ATP2C1: variants seen among roughly 807,000 people sequenced by gnomAD.
ATP2C1 encodes calcium-transporting ATPase type 2C member 1.
Under a neutral mutation model 120.5 loss-of-function variants are expected in ATP2C1, and 31 were observed. The observed-to-expected ratio is 0.26, with a 90% CI of 0.19 to 0.35. The LOEUF is 0.35. Ranked by LOEUF, ATP2C1 falls within the 10% of genes least tolerant of loss-of-function variation. The pLI, the probability that ATP2C1 is intolerant of heterozygous loss-of-function variation, is 1.00. For synonymous variants in ATP2C1, 351 were observed against 358.7 expected (o/e 0.98, Z 0.24); for missense variants, 731 against 1,107.5 (o/e 0.66, Z 4.83).
Position 131,001,382 on chromosome 3 carries a change from G to A in ATP2C1, c.*32G>A. ...TTGCATTATTTTATTTGCAAACTAG[G>A]AATTGCAGTCTGAGGATCATTTAGA... On this transcript the variant is annotated 3_prime_UTR_variant, in exon 28 of 28. Coordinates refer to ENST00000510168, the MANE Select transcript of ATP2C1 (RefSeq NM_001378687.1). The A allele has an allele frequency of 6.2e-7, 1 of 1,608,368 alleles. No homozygotes were observed. The highest frequency in any genetic ancestry group is 1.1e-5 in the South Asian group (1 of 90,632).
chr3:130,918,252 C>T, intron 2 of ATP2C1: 3 of 1,517,944 alleles, frequency 2.0e-6, no homozygotes, highest in South Asian at 1.1e-5. Context: ...TCTCCTTGGC[C>T]ATAGCCAAAT....
At position 130,993,837 on chromosome 3, in the gene ATP2C1, G is replaced by A. The variant is rs2062470483; in HGVS notation, c.1891-95G>A. 6 of 1,248,934 alleles carry A rather than the reference G, an allele frequency of 4.8e-6. No individual in the cohort carries two copies. In the Admixed American group the frequency reaches 1.1e-4, roughly 23 times the overall value. 77.4% of individuals were successfully genotyped at this position (1,248,934 alleles called of 1,614,324 possible). A position where few individuals can be genotyped will look rare whatever the true frequency, so the allele number is the denominator to read the frequency against. On this transcript the variant is annotated intron_variant, in intron 21 of 27. Transcript: ENST00000510168. ...CTATATTATTTCTAATCTTAATTATGTGAAAAAAATAGGGAGGATTTGTTT... is the reference window on the plus strand; with the variant it reads ...CTATATTATTTCTAATCTTAATTATATGAAAAAAATAGGGAGGATTTGTTT...
In ATP2C1 at chr3:130,894,265, GGC is replaced by G; in HGVS notation, c.-247_-246del. On this transcript the variant is annotated 5_prime_UTR_variant, in exon 1 of 28. Transcript: ENST00000510168. The surrounding 1 kb of genome is among the most constrained non-coding windows in gnomAD (Gnocchi z 4.5). ...CCGCGAGCAGCTCCTCTTCTCCCGA[GGC>G]GCGCGGGGCGCCCCCGCGAGCCCCG... is the stretch of plus-strand genomic sequence containing the variant. The G allele has an allele frequency of 1.0e-6, 1 of 985,944 alleles. No individual in the cohort carries two copies. Among genetic ancestry groups the G allele is most frequent in the African/African-American group, 1.7e-5 (1 of 57,234 alleles). 61.1% of individuals were successfully genotyped at this position (985,944 alleles called of 1,614,324 possible).
At chr3:130,980,779 G>A (rs1296818549) in intron 20 of ATP2C1, 100 bp downstream of exon 20, 1 of 898,004 alleles carries the variant, frequency 1.1e-6, no homozygotes, top group Admixed American at 1.9e-5. Flanking sequence ...GAACATCAGG[G>A]ATTTAAATAA....
intron 1 of ATP2C1, among the ~76,000 whole-genome samples, chr3:130,862,074 T>C (rs979295740): frequency 5.3e-5 from 8 of 151,712 alleles, no homozygotes; most frequent in African/African-American, 9.7e-5. Flanking sequence ...CCTGGGTTCA[T>C]GTCATTCTCC....
intron 27 of ATP2C1, among the ~76,000 whole-genome samples, chr3:131,000,609 C>A (rs2062838278): frequency 6.6e-6 from 1 of 152,152 alleles, no homozygotes; most frequent in African/African-American, 2.4e-5. Context: ...AAATAAACTC[C>A]TTTTGTTGGT....
chr3:130,930,472 G>T lies in ATP2C1; in HGVS notation c.63G>T (p.Leu21Phe), dbSNP rs772430504. Residue 21 changes from leucine (L) to phenylalanine (F), a missense_variant, in exon 3 of 28, where the codon TTG (leucine) becomes TTT (phenylalanine). By Grantham distance (22) the Leu-to-Phe change is conservative. This residue lies in a region of ATP2C1 where 571 missense variants were observed against 845.9 expected (regional missense o/e 0.67). Coordinates refer to ENST00000510168, the MANE Select transcript of ATP2C1 (RefSeq NM_001378687.1). Reference protein sequence around the residue: ...NGENETMIPVLTSKKASELPV... With the variant: ...NGENETMIPVFTSKKASELPV... ...AAAATGAGACAATGATTCCTGTATTGACATCAAAAAAAGCAAGTGAATTAC... is the reference window on the plus strand; with the variant it reads ...AAAATGAGACAATGATTCCTGTATTTACATCAAAAAAAGCAAGTGAATTAC... 1.9e-6 allele frequency: 3 copies of T among 1,613,326 alleles called. No individual in the cohort carries two copies. The highest frequency in any genetic ancestry group is 3.3e-5 in the Admixed American group (2 of 59,972).
At chr3:130,955,559 C>T (rs1230236915) in intron 10 of ATP2C1, among the ~76,000 whole-genome samples, 1 of 152,144 alleles carries the variant, frequency 6.6e-6, no homozygotes. Flanking sequence ...TAAAAAGAAG[C>T]TTCATTCTGC....
intron 2 of ATP2C1, among the ~76,000 whole-genome samples, chr3:130,916,257 A>C (rs1391053995): frequency 4.6e-5 from 7 of 151,534 alleles, no homozygotes; most frequent in South Asian, 2.1e-4. Flanking sequence ...AAAAAAAAAA[A>C]AACAAAAAAT....
chr3:130,853,315 C>T (rs528462019), intron 1 of ATP2C1, among the ~76,000 whole-genome samples: 1 of 152,158 alleles, frequency 6.6e-6, no homozygotes, highest in Non-Finnish European at 1.5e-5. Context: ...TAGGAGCCAA[C>T]TGAGAAAGTT....
chr3:131,003,927 C>T (rs1191607243), downstream of ATP2C1, among the ~76,000 whole-genome samples: 1 of 152,224 alleles, frequency 6.6e-6, no homozygotes, highest in Non-Finnish European at 1.5e-5. Context: ...TTGCTTTCTG[C>T]CTCTGTCACT....
chr3:130,904,538 C>T (rs1559902970), intron 2 of ATP2C1, among the ~76,000 whole-genome samples: 2 of 151,984 alleles, frequency 1.3e-5, no homozygotes, highest in East Asian at 3.8e-4. Flanking sequence ...AAAGTTACTG[C>T]TTTTTCCTTT....
At chr3:130,940,949 C>G (rs2059871293) in intron 7 of ATP2C1, among the ~76,000 whole-genome samples, 1 of 117,124 alleles carries the variant, frequency 8.5e-6, no homozygotes, top group African/African-American at 3.3e-5. Flanking sequence ...GAGTCTGGCT[C>G]TGTCACCCAG....
chr3:130,911,191 T>G (rs1380396907), intron 2 of ATP2C1, among the ~76,000 whole-genome samples: 1 of 130,630 alleles, frequency 7.7e-6, no homozygotes, highest in African/African-American at 2.9e-5. Flanking sequence ...GTGTATGTGT[T>G]GAGGAATTTA....
At chr3:131,006,886 T>C (rs551201870), downstream of ATP2C1, among the ~76,000 whole-genome samples, 14 of 152,240 alleles carry the variant, frequency 9.2e-5, no homozygotes, top group East Asian at 2.1e-3. Flanking sequence ...CAGGCTGGTC[T>C]CAAACTCCTG....
chr3:130,932,008 A>G lies in ATP2C1; in HGVS notation c.118-14A>G, dbSNP rs1413752099. ...CTAACATTTTCAATAACTTTCATGT[A>G]TAAACTCTAATAGGCTGATCTTCAG... On this transcript the variant is annotated splice_polypyrimidine_tract_variant and intron_variant, in intron 3 of 27. Coordinates refer to ENST00000510168, the MANE Select transcript of ATP2C1 (RefSeq NM_001378687.1). 6.6e-7 allele frequency: 1 copy of G among 1,520,208 alleles called. No individual in the cohort carries two copies. Among genetic ancestry groups the G allele is most frequent in the Non-Finnish European group, 9.1e-7 (1 of 1,094,546 alleles). The allele number at this position is 1,520,208 out of a possible 1,614,324, so 94.2% of individuals were successfully genotyped here. A position where few individuals can be genotyped will look rare whatever the true frequency, so the allele number is the denominator to read the frequency against.
upstream of ATP2C1, chr3:130,893,824 C>T: frequency 1.6e-6 from 1 of 618,614 alleles, no homozygotes; most frequent in Non-Finnish European, 2.0e-6. Flanking sequence ...GAGGCGCCAG[C>T]AAGAACAAGG....
intron 11 of ATP2C1, among the ~76,000 whole-genome samples, chr3:130,957,830 G>T (rs1178921008): frequency 6.6e-6 from 1 of 152,124 alleles, no homozygotes; most frequent in East Asian, 1.9e-4. Context: ...GGGATTACAG[G>T]ACTAATGCAA....
intron 26 of ATP2C1, among the ~76,000 whole-genome samples, chr3:131,010,569 C>T (rs981245044): frequency 6.6e-6 from 1 of 152,102 alleles, no homozygotes; most frequent in Non-Finnish European, 1.5e-5. Flanking sequence ...ACTCTCTGAA[C>T]ATAGGAAAAA....
Sources: allele counts gnomAD v4.1 joint callset (sites outside exome capture counted in the v4.1 genomes callset), GRCh38; gene constraint gnomAD v4.1.1; regional missense constraint gnomAD v4.1.1; non-coding constraint Gnocchi (gnomAD v3.1); transcripts MANE v1.5; gene names NCBI Gene and HGNC (gene_info 2026-07-23, HGNC 2026-07-21).